The following INSR variants were observed in gnomAD, a reference collection of about 807,000 sequenced individuals.
INSR encodes IR.
INSR carries 67 observed loss-of-function variants against 142.6 expected under a neutral mutation model. The ratio of observed to expected loss-of-function variants is 0.47; its 90% CI spans 0.39 to 0.58. The LOEUF (loss-of-function observed/expected upper bound fraction) is 0.58. INSR is among the 20% of genes least tolerant of loss of function. The pLI is 0.00. For missense variants in INSR, 1,248 were observed against 1,833.2 expected (o/e 0.68, Z 5.83); for synonymous variants, 756 against 743.1 (o/e 1.02, Z -0.28).
intron 3 of INSR, 111 bp from the exon 4 acceptor site, chr19:7,174,842 T>C (rs571064980): frequency 9.5e-7 from 1 of 1,048,986 alleles, no homozygotes; most frequent in African/African-American, 1.6e-5. Context: ...TATTTCTTTG[T>C]GTGTGTGTGT....
chr19:7,224,628 G>A (rs75865337), intron 2 of INSR, among the ~76,000 whole-genome samples: 110 of 152,326 alleles, frequency 7.2e-4, no homozygotes, highest in South Asian at 1.7e-3. Flanking sequence ...TCTGCCGGAG[G>A]GCGATGGTCC....
rs149338107 is a variant in INSR, at chr19:7,267,099, G to T, written c.652+246C>A. ...CATACATTTATGCATGCCTGTGGCTGCTTGTCCAATACAGTGGCAGAATTG... is the reference window on the plus strand; with the variant it reads ...CATACATTTATGCATGCCTGTGGCTTCTTGTCCAATACAGTGGCAGAATTG... On this transcript the variant is annotated intron_variant, in intron 2 of 21. Transcript: ENST00000302850. This position sits in a 1 kb window ranked among gnomAD's most constrained non-coding sequence, Gnocchi z 6.3. Among the ~76,000 whole-genome samples, 645 of 152,136 alleles carry T rather than the reference G, an allele frequency of 4.2e-3. 5 individuals carry two copies. Among genetic ancestry groups the T allele is most frequent in the African/African-American group, 0.013 (560 of 41,518 alleles).
Position 7,113,288 on chromosome 19 carries a change from T to C in INSR, c.*3768A>G, listed in dbSNP as rs1972248000. 1 of 152,240 alleles carries C rather than the reference T, an allele frequency of 6.6e-6. No homozygotes were observed. The highest frequency in any genetic ancestry group is 6.5e-5 in the Admixed American group (1 of 15,276). The allele number at this position is 152,240 out of a possible 1,614,324, so 9.4% of individuals were successfully genotyped here. A position where few individuals can be genotyped will look rare whatever the true frequency, so the allele number is the denominator to read the frequency against. On this transcript the variant is annotated 3_prime_UTR_variant, in exon 22 of 22. Transcript: ENST00000302850. ...TGCCCTGCTAGGATACAGTGAAAGATCTGTCTGTCAGTTGGTAACATAGTC... is the reference window on the plus strand; with the variant it reads ...TGCCCTGCTAGGATACAGTGAAAGACCTGTCTGTCAGTTGGTAACATAGTC...
rs1234609284 is a variant in INSR at position 7,125,527 on chromosome 19, A to T, written c.3014T>A (p.Val1005Glu). 6.2e-7 allele frequency: 1 copy of T among 1,613,082 alleles called. No homozygotes were observed. Among genetic ancestry groups the T allele is most frequent in the South Asian group, 1.1e-5 (1 of 91,064 alleles). The change falls in exon 17 of 22, where the codon GTG (valine) becomes GAG (glutamate). Residue 1005 changes from valine to glutamate, a missense_variant and splice_region_variant. Coordinates refer to ENST00000302850, the MANE Select transcript of INSR (RefSeq NM_000208.4). The surrounding 1 kb of genome is among the most constrained non-coding windows in gnomAD (Gnocchi z 4.9). ...SNPEYLSASD[V>E]FPCSVYVPDE... Reference sequence around the variant, plus strand: ...CGGCACGTACACAGAGCATGGAAACACTACTTCTTACTTATCTACACAGCA... The same window carrying T: ...CGGCACGTACACAGAGCATGGAAACTCTACTTCTTACTTATCTACACAGCA...
At position 7,225,436 on chromosome 19, in the gene INSR, C is replaced by G. The variant is rs1387034348; in HGVS notation, c.653-40799G>C. Among the ~76,000 whole-genome samples the G allele has an allele frequency of 1.4e-5, 2 of 144,556 alleles. No homozygotes were observed. Among genetic ancestry groups the G allele is most frequent in the Non-Finnish European group, 3.0e-5 (2 of 65,810 alleles). 94.8% of individuals were successfully genotyped at this position (144,556 alleles called of 152,430 possible). ...AATGCTTGAGTGACACTCTCTGATT[C>G]TCCAGTGTACCATGTCACCAATTAG... On this transcript the variant is annotated intron_variant, in intron 2 of 21. Coordinates refer to ENST00000302850, the MANE Select transcript of INSR (RefSeq NM_000208.4). The surrounding 1 kb of genome is among the most constrained non-coding windows in gnomAD (Gnocchi z 4.7).
intron 13 of INSR, among the ~76,000 whole-genome samples, chr19:7,135,264 C>CAAG (rs1972885774): frequency 6.9e-6 from 1 of 144,398 alleles, no homozygotes; most frequent in Admixed American, 7.1e-5. Flanking sequence ...TATAGAAACC[C>CAAG]AAGGTAGCTG....
At chr19:7,265,527 G>C (rs1438118241) in intron 2 of INSR, among the ~76,000 whole-genome samples, 1 of 152,104 alleles carries the variant, frequency 6.6e-6, no homozygotes, top group Non-Finnish European at 1.5e-5. Flanking sequence ...GATCACCTGA[G>C]AGTTCGAGAC....
chr19:7,219,643 G>T lies in INSR; in HGVS notation c.653-35006C>A, dbSNP rs557233524. Among the ~76,000 whole-genome samples, 8 of 151,330 alleles carry T rather than the reference G, an allele frequency of 5.3e-5. No individual in the cohort carries two copies. The South Asian group carries it at 1.7e-3, about 32-fold the overall frequency. Reference sequence around the variant, plus strand: ...AGGAGGGAGGGAAAGGAAAAGAAAGGAAAGGAAGGAGGGAAGGAGGGAAGG... The same window carrying T: ...AGGAGGGAGGGAAAGGAAAAGAAAGTAAAGGAAGGAGGGAAGGAGGGAAGG... On this transcript the variant is annotated intron_variant, in intron 2 of 21. Coordinates refer to ENST00000302850, the MANE Select transcript of INSR (RefSeq NM_000208.4).
intron 9 of INSR, among the ~76,000 whole-genome samples, chr19:7,160,025 G>C (rs568820467): frequency 7.2e-5 from 11 of 152,248 alleles, no homozygotes; most frequent in Middle Eastern, 3.4e-3. Flanking sequence ...TGGGCCCAGC[G>C]CAGTGGCTCA....
At chr19:7,142,389 C>CAAAAAAAAA (rs34453877) in intron 12 of INSR, among the ~76,000 whole-genome samples, 56 of 42,142 alleles carry the variant, frequency 1.3e-3, no homozygotes, top group Non-Finnish European at 1.9e-3. Context: ...GACTTCATCT[C>CAAAAAAAAA]AAAAAAAAAA....
rs1555740370 is a variant in INSR at position 7,151,162 on chromosome 19, C to CTCTCTTTCCTTTCTTTTCTTT, written c.2232-631_2232-630insAAAGAAAAGAAAGGAAAGAGA. Among the ~76,000 whole-genome samples the CTCTCTTTCCTTTCTTTTCTTT allele has an allele frequency of 1.5e-4, 7 of 45,850 alleles. 1 individual carries two copies. In the South Asian group the frequency reaches 4.9e-3, roughly 32 times the overall value. 30.1% of individuals were successfully genotyped at this position (45,850 alleles called of 152,430 possible). On this transcript the variant is annotated intron_variant, in intron 10 of 21. Transcript: ENST00000302850. The stretch of plus-strand genomic sequence containing the variant: ...CTTTCTCTCTTTCCTTTCTTTCTTT[C>CTCTCTTTCCTTTCTTTTCTTT]TCTTTCTTTCTTTCTTTCTTTCTTT...
intron 2 of INSR, among the ~76,000 whole-genome samples, chr19:7,249,834 T>C (rs1200343176): frequency 6.6e-6 from 1 of 151,816 alleles, no homozygotes; most frequent in Non-Finnish European, 1.5e-5. Context: ...CTACTAAAAA[T>C]ACAAAAAATT....
At chr19:7,203,369 G>A (rs1209472362) in intron 2 of INSR, among the ~76,000 whole-genome samples, 2 of 152,050 alleles carry the variant, frequency 1.3e-5, no homozygotes, top group Admixed American at 6.6e-5. Flanking sequence ...TTAGCCACAC[G>A]TTGAAGTTTT....
chr19:7,157,795 C>G (rs1033767539), intron 9 of INSR, among the ~76,000 whole-genome samples: 1 of 151,778 alleles, frequency 6.6e-6, no homozygotes, highest in Non-Finnish European at 1.5e-5. Flanking sequence ...TTTCTCTCCT[C>G]CCCTTAATGC....
Position 7,267,434 on chromosome 19 carries a change from C to A in INSR, c.563G>T (p.Gly188Val). The change falls in exon 2 of 22, where the codon GGT (glycine) becomes GTT (valine). Residue 188 changes from glycine (G) to valine (V), a missense_variant. By Grantham distance (109) the Gly-to-Val change is moderately radical. Coordinates refer to ENST00000302850, the MANE Select transcript of INSR (RefSeq NM_000208.4). The surrounding 1 kb of genome is among the most constrained non-coding windows in gnomAD (Gnocchi z 6.3). ...DNEECGDICPGTAKGKTNCPA... is the reference protein window; with the variant it reads ...DNEECGDICPVTAKGKTNCPA... ...GCAGTTGGTCTTGCCCTTCGCGGTA[C>A]CCGGACAGATGTCTCCACACTCCTC... 1.2e-6 allele frequency: 2 copies of A among 1,614,136 alleles called. No individual in the cohort carries two copies. Among genetic ancestry groups the A allele is most frequent in the Non-Finnish European group, 1.7e-6 (2 of 1,180,034 alleles).
At chr19:7,276,132 T>G (rs2145227457) in intron 1 of INSR, among the ~76,000 whole-genome samples, 1 of 152,134 alleles carries the variant, frequency 6.6e-6, no homozygotes, top group South Asian at 2.1e-4. Flanking sequence ...ATCATAAAGG[T>G]CCTTGTTCTT....
chr19:7,212,742 C>A (rs142657367), intron 2 of INSR, among the ~76,000 whole-genome samples: 5 of 151,984 alleles, frequency 3.3e-5, no homozygotes, highest in South Asian at 2.1e-4. Flanking sequence ...CCCACCCCCA[C>A]GTCCTGCTAA....
At chr19:7,181,583 T>C (rs887140759) in intron 3 of INSR, among the ~76,000 whole-genome samples, 1 of 147,756 alleles carries the variant, frequency 6.8e-6, no homozygotes, top group African/African-American at 2.5e-5. Flanking sequence ...TTTTTGGAGA[T>C]GCAGTTTCAC....
chr19:7,281,330 A>G (rs1019301370), intron 1 of INSR, among the ~76,000 whole-genome samples: 2 of 104,188 alleles, frequency 1.9e-5, no homozygotes, highest in African/African-American at 4.5e-5. Context: ...AATGACAACA[A>G]CAAACAAACA....
Sources: allele counts gnomAD v4.1 joint callset (sites outside exome capture counted in the v4.1 genomes callset), GRCh38; gene constraint gnomAD v4.1.1; non-coding constraint Gnocchi (gnomAD v3.1); transcripts MANE v1.5; gene names NCBI Gene and HGNC (gene_info 2026-07-23, HGNC 2026-07-21).